The following IQSEC1 variants were observed in gnomAD, a reference collection of about 807,000 sequenced individuals.
IQSEC1 encodes IQ motif and SEC7 domain-containing protein 1.
In IQSEC1, 31 loss-of-function variants were observed where a neutral mutation model predicts 91.0. That is an observed-to-expected ratio of 0.34 (90% CI 0.26 to 0.46). The LOEUF (loss-of-function observed/expected upper bound fraction) is 0.46, where lower values mean the gene tolerates loss of function less well. Ranked by LOEUF, IQSEC1 falls within the 20% of genes least tolerant of loss-of-function variation. IQSEC1 has a pLI of 1.00. For synonymous variants in IQSEC1, 699 were observed against 662.6 expected (o/e 1.05, Z -0.84); for missense variants, 1,388 against 1,575.6 (o/e 0.88, Z 2.02).
intron 13 of IQSEC1, among the ~76,000 whole-genome samples, 164 bp from the exon 14 acceptor site, chr3:12,901,686 T>G (rs1694327523): frequency 6.6e-6 from 1 of 151,898 alleles, no homozygotes; most frequent in East Asian, 1.9e-4. Flanking sequence ...GGGCCCCGCC[T>G]CCTCTCACTA....
At chr3:13,168,950 C>G (rs577999837) in intron 1 of IQSEC1, among the ~76,000 whole-genome samples, 1 of 152,182 alleles carries the variant, frequency 6.6e-6, no homozygotes, top group Non-Finnish European at 1.5e-5. Context: ...TCTGTCTTTC[C>G]TAATAGAACG....
At chr3:13,195,766 C>T (rs1694113530) in intron 1 of IQSEC1, among the ~76,000 whole-genome samples, 1 of 152,130 alleles carries the variant, frequency 6.6e-6, no homozygotes, top group African/African-American at 2.4e-5. Context: ...TGCATCTTGA[C>T]GGTGGTGGTG....
At chr3:13,138,677 T>G (rs1706750835) in intron 2 of IQSEC1, among the ~76,000 whole-genome samples, 1 of 152,092 alleles carries the variant, frequency 6.6e-6, no homozygotes, top group Non-Finnish European at 1.5e-5. Context: ...GGCCCTATTG[T>G]GCCACCATGA....
intron 1 of IQSEC1, among the ~76,000 whole-genome samples, chr3:13,190,340 G>A (rs557313527): frequency 6.6e-6 from 1 of 152,216 alleles, no homozygotes; most frequent in East Asian, 1.9e-4. Flanking sequence ...GGGAGGCCAA[G>A]GTGGGAGGAT....
intron 6 of IQSEC1, among the ~76,000 whole-genome samples, chr3:12,918,640 G>A (rs990148488): frequency 3.3e-5 from 5 of 152,094 alleles, no homozygotes; most frequent in Non-Finnish European, 7.4e-5. Context: ...AACATAGTGA[G>A]ACCCTACCTC....
intron 1 of IQSEC1, among the ~76,000 whole-genome samples, chr3:12,949,320 G>A (rs999675488): frequency 6.6e-6 from 1 of 152,232 alleles, no homozygotes; most frequent in African/African-American, 2.4e-5. Flanking sequence ...GCCAGAGGGT[G>A]GCCACATCAC....
intron 1 of IQSEC1, among the ~76,000 whole-genome samples, chr3:13,013,560 T>C (rs1405002482): frequency 6.6e-6 from 1 of 152,168 alleles, no homozygotes; most frequent in African/African-American, 2.4e-5. Context: ...ATAGGTGACA[T>C]GTGTCCATTA....
intron 1 of IQSEC1, among the ~76,000 whole-genome samples, chr3:13,243,208 G>A (rs1695049442): frequency 1.3e-5 from 2 of 152,276 alleles, no homozygotes; most frequent in Middle Eastern, 3.4e-3. Context: ...CCATCCTCAG[G>A]AGCCTTCCCC....
intron 1 of IQSEC1, among the ~76,000 whole-genome samples, chr3:12,980,935 C>A (rs1046461998): frequency 2.0e-5 from 3 of 152,236 alleles, no homozygotes; most frequent in African/African-American, 7.2e-5. Context: ...AGGGACCCTG[C>A]TCCATTATAC....
Position 12,899,936 on chromosome 3 carries a change from TGA to T in IQSEC1, c.*1045_*1046del, listed in dbSNP as rs1694060554. On this transcript the variant is annotated 3_prime_UTR_variant, in exon 14 of 14. Transcript: ENST00000613206. ...GGTGCCCCTCTCGGAGGACTCTGAA[TGA>T]GTGTGCGTCAAATCATATGCGCATA... The T allele has an allele frequency of 6.1e-6, 6 of 985,094 alleles. No individual in the cohort carries two copies. Among genetic ancestry groups the T allele is most frequent in the African/African-American group, 1.7e-5 (1 of 57,154 alleles). The allele number at this position is 985,094 out of a possible 1,614,324, so 61.0% of individuals were successfully genotyped here.
chr3:13,206,203 A>ATCCACCCATCCACCCCTCCC (rs1694342291), intron 1 of IQSEC1, among the ~76,000 whole-genome samples: 1 of 148,424 alleles, frequency 6.7e-6, no homozygotes, highest in African/African-American at 2.5e-5. Flanking sequence ...CCACCCCTCC[A>ATCCACCCATCCACCCCTCCC]TCCACCCATC....
chr3:13,127,611 C>T (rs746969003), intron 2 of IQSEC1, among the ~76,000 whole-genome samples: 3 of 151,926 alleles, frequency 2.0e-5, no homozygotes, highest in African/African-American at 4.8e-5. Context: ...TATTCTAGGT[C>T]GTTTGCCTTT....
intron 2 of IQSEC1, among the ~76,000 whole-genome samples, chr3:13,159,377 C>G (rs150846964): frequency 1.3e-5 from 2 of 151,972 alleles, no homozygotes; most frequent in African/African-American, 2.4e-5. Context: ...TACAGTGAGC[C>G]GAGATCACGT....
chr3:13,139,185 G>A (rs145252818), intron 2 of IQSEC1, among the ~76,000 whole-genome samples: 1,887 of 152,310 alleles, frequency 0.012, 145 homozygotes, highest in Admixed American at 0.11. Context: ...CAAGGGCCTC[G>A]TGGGCTAAGT....
intron 1 of IQSEC1, among the ~76,000 whole-genome samples, chr3:13,028,337 C>T (rs1422623541): frequency 1.3e-5 from 2 of 152,224 alleles, no homozygotes; most frequent in Non-Finnish European, 2.9e-5. Context: ...GGACTGCTCA[C>T]CGTCTGGCCT....
chr3:12,932,810 G>A (rs867212398), intron 3 of IQSEC1, among the ~76,000 whole-genome samples: 1 of 152,302 alleles, frequency 6.6e-6, no homozygotes, highest in African/African-American at 2.4e-5. Context: ...CCGCAGCACC[G>A]CCAGCCAGAT....
intron 1 of IQSEC1, among the ~76,000 whole-genome samples, chr3:13,062,270 C>T (rs1705091673): frequency 6.6e-6 from 1 of 152,192 alleles, no homozygotes; most frequent in Non-Finnish European, 1.5e-5. Flanking sequence ...AAGCCCAGCC[C>T]TGTGCCGTGA....
intron 1 of IQSEC1, among the ~76,000 whole-genome samples, chr3:13,172,869 T>C (rs952627224): frequency 1.3e-5 from 2 of 152,152 alleles, no homozygotes; most frequent in African/African-American, 4.8e-5. Context: ...GGCCTCAGTG[T>C]TCCCCCCTGT....
intron 1 of IQSEC1, among the ~76,000 whole-genome samples, chr3:13,052,123 G>A (rs188116976): frequency 3.3e-5 from 5 of 152,268 alleles, no homozygotes; most frequent in Admixed American, 3.3e-4. Flanking sequence ...CTCTCACCTA[G>A]CTGTGTGTGG....
Sources: gnomAD v4.1 joint callset for allele counts (sites outside exome capture counted in the v4.1 genomes callset) on GRCh38, gnomAD v4.1.1 for gene constraint, MANE v1.5 for transcripts, NCBI Gene and HGNC (gene_info 2026-07-23, HGNC 2026-07-21) for gene names.